The following CFAP92 variants were observed in gnomAD, a reference collection of about 807,000 sequenced individuals.
The protein encoded by CFAP92 is cilia and flagella associated protein 92 (putative).
In CFAP92, 86 loss-of-function variants were observed where a neutral mutation model predicts 106.3. The observed-to-expected ratio is 0.81, with a 90% CI of 0.68 to 0.97. CFAP92 has a LOEUF of 0.97. Among genes scored for constraint, CFAP92 ranks in the 50% least tolerant of loss-of-function variants. The pLI, the probability that CFAP92 is intolerant of heterozygous loss-of-function variation, is 0.00. For synonymous variants in CFAP92, 477 were observed against 506.4 expected, an observed-to-expected ratio of 0.94 and a Z score of 0.78; for missense variants, 1,204 against 1,283.8, an observed-to-expected ratio of 0.94 and a Z score of 0.95.
intron 10 of CFAP92, among the ~76,000 whole-genome samples, chr3:128,943,914 T>TC (rs56857847): frequency 7.3e-6 from 1 of 137,168 alleles, no homozygotes; most frequent in African/African-American, 2.9e-5. Context: ...TTGGGTTATT[T>TC]CCCCCGTTTT....
intron 12 of CFAP92, among the ~76,000 whole-genome samples, chr3:128,926,380 G>C (rs1937646580): frequency 6.6e-6 from 1 of 152,182 alleles, no homozygotes. Flanking sequence ...CAGGCATGGT[G>C]GCACACACCT....
intron 12 of CFAP92, among the ~76,000 whole-genome samples, chr3:128,931,475 GTA>G (rs1452412694): frequency 1.7e-5 from 1 of 59,506 alleles, no homozygotes; most frequent in Non-Finnish European, 2.7e-5. Context: ...ACACATACAT[GTA>G]TATATATGTA....
chr3:128,957,258 T>C (rs72977148), intron 9 of CFAP92, among the ~76,000 whole-genome samples: 7,288 of 152,234 alleles, frequency 0.048, 566 homozygotes, highest in African/African-American at 0.16. Context: ...ACCCTTGAGT[T>C]TTCTAGGTTA....
chr3:129,004,193 G>C (rs1007917985), upstream of CFAP92: 3 of 1,203,392 alleles, frequency 2.5e-6, no homozygotes, highest in East Asian at 3.2e-5. Context: ...TTCTCCATGC[G>C]TTTATTCATG....
intron 15 of CFAP92, chr3:128,910,757 C>A: frequency 1.2e-6 from 2 of 1,614,236 alleles, no homozygotes; most frequent in Non-Finnish European, 1.7e-6. Context: ...TTGGCCAACA[C>A]CTTCTGCGTG....
intron 1 of CFAP92, chr3:129,001,898 G>C (rs1219566745): frequency 1.3e-6 from 2 of 1,538,176 alleles, no homozygotes; most frequent in East Asian, 2.5e-5. Context: ...GGCTGCGCGC[G>C]GAGGGGGCCA....
At chr3:128,985,990 C>A (rs974585233) in intron 4 of CFAP92, among the ~76,000 whole-genome samples, 7 of 152,060 alleles carry the variant, frequency 4.6e-5, no homozygotes, top group Admixed American at 6.6e-5. Context: ...GCCCCCACAG[C>A]GAGGAATTAT....
At chr3:128,935,897 A>G (rs1029633593) in intron 10 of CFAP92, among the ~76,000 whole-genome samples, 2 of 152,246 alleles carry the variant, frequency 1.3e-5, no homozygotes, top group African/African-American at 4.8e-5. Context: ...TAAAAAATTA[A>G]CTAAAAGGAT....
At chr3:129,014,063 G>A in the CFAP92 span, among the ~76,000 whole-genome samples, 7 of 152,222 alleles carry the variant, frequency 4.6e-5, no homozygotes, top group Admixed American at 2.6e-4. This position sits in a 1 kb window ranked among gnomAD's most constrained non-coding sequence, Gnocchi z 4.3. Context: ...GAGTCTTCAG[G>A]CTCTTCATTT....
At chr3:128,987,936 T>TC (rs1943963059) in intron 3 of CFAP92, 107 bp from the exon 4 acceptor site, 1 of 846,004 alleles carries the variant, frequency 1.2e-6, no homozygotes. Flanking sequence ...CAGCGCTGCC[T>TC]GACTTCAGTG....
chr3:128,929,108 A>G (rs1289867246), intron 12 of CFAP92, among the ~76,000 whole-genome samples: 1 of 152,204 alleles, frequency 6.6e-6, no homozygotes, highest in African/African-American at 2.4e-5. Context: ...GAAAAAAGAG[A>G]TTAATTCAAA....
chr3:128,942,328 C>T (rs1205934409), intron 10 of CFAP92, among the ~76,000 whole-genome samples: 1 of 152,248 alleles, frequency 6.6e-6, no homozygotes, highest in African/African-American at 2.4e-5. Context: ...CCTCCTAGCA[C>T]TGGTGAGTGG....
intron 9 of CFAP92, among the ~76,000 whole-genome samples, chr3:128,960,698 C>T (rs1218595477): frequency 2.0e-5 from 3 of 152,236 alleles, no homozygotes; most frequent in Non-Finnish European, 2.9e-5. Flanking sequence ...TCACCCTTAG[C>T]GGCTAGTCCC....
At chr3:129,023,523 G>A in the CFAP92 span, among the ~76,000 whole-genome samples, 39,583 of 151,832 alleles carry the variant, frequency 0.26, 5,512 homozygotes, top group Middle Eastern at 0.38. Flanking sequence ...TAGTAGAGAC[G>A]AGGTTTCACC....
intron 1 of CFAP92, chr3:129,002,154 C>T: frequency 6.8e-7 from 1 of 1,471,142 alleles, no homozygotes; most frequent in Non-Finnish European, 8.9e-7. Flanking sequence ...GCAGATCCGC[C>T]TGCGCCGTCC....
chr3:128,980,366 CAAA>C (rs71153158), intron 4 of CFAP92, among the ~76,000 whole-genome samples: 8,431 of 100,706 alleles, frequency 0.084, 646 homozygotes, highest in African/African-American at 0.23. Context: ...GACCCTGTCT[CAAA>C]AAAAAAAAAA....
chr3:129,011,560 A>T, the CFAP92 span, among the ~76,000 whole-genome samples: 1 of 152,130 alleles, frequency 6.6e-6, no homozygotes, highest in Admixed American at 6.5e-5. Flanking sequence ...CAAAAAAAAA[A>T]AAAAAAGAAT....
chr3:128,915,878 A>G (rs1936775638), intron 13 of CFAP92: 4 of 450,802 alleles, frequency 8.9e-6, no homozygotes, highest in Non-Finnish European at 1.5e-5. Context: ...GTTCTCCTTT[A>G]TGTACATCTG....
At chr3:128,931,644 G>A (rs962790898) in intron 12 of CFAP92, among the ~76,000 whole-genome samples, 2 of 151,732 alleles carry the variant, frequency 1.3e-5, no homozygotes, top group Non-Finnish European at 2.9e-5. Flanking sequence ...AAAAGCTGAA[G>A]TTAATGAATT....
Sources: gnomAD v4.1 joint callset for allele counts (sites outside exome capture counted in the v4.1 genomes callset) on GRCh38, gnomAD v4.1.1 for gene constraint, Gnocchi (gnomAD v3.1) non-coding constraint, MANE v1.5 for transcripts, NCBI Gene and HGNC (gene_info 2026-07-23, HGNC 2026-07-21) for gene names.